MCPH1: variants seen among roughly 807,000 people sequenced by gnomAD.
MCPH1 encodes microcephalin.
A neutral mutation model predicts 84.5 loss-of-function variants in MCPH1; 104 were observed. The ratio of observed to expected loss-of-function variants is 1.23; its 90% CI spans 1.05 to 1.45. The LOEUF (loss-of-function observed/expected upper bound fraction) is 1.45, where lower values mean the gene tolerates loss of function less well. MCPH1 is among the 40% of genes most tolerant of loss of function. MCPH1 has a pLI of 0.00. For synonymous variants in MCPH1, 514 were observed against 366.8 expected, an observed-to-expected ratio of 1.40 and a Z score of -4.58; for missense variants, 1,498 against 1,005.7, an observed-to-expected ratio of 1.49 and a Z score of -6.62.
chr8:6,508,915 C>T (rs778332069), intron 12 of MCPH1: 10 of 1,614,042 alleles, frequency 6.2e-6, no homozygotes, highest in Non-Finnish European at 8.5e-6. Flanking sequence ...AATAGGAAGA[C>T]AGAAAGTCAT....
intron 12 of MCPH1, among the ~76,000 whole-genome samples, chr8:6,606,607 T>C (rs982020292): frequency 3.3e-5 from 5 of 152,144 alleles, no homozygotes; most frequent in African/African-American, 9.7e-5. Context: ...CTGTGCTGAA[T>C]GGAGATATTC....
At chr8:6,603,182 C>G (rs192492861) in intron 12 of MCPH1, among the ~76,000 whole-genome samples, 32 of 152,228 alleles carry the variant, frequency 2.1e-4, no homozygotes, top group Non-Finnish European at 4.3e-4. Context: ...TAGTATCCAT[C>G]CATGTCTCTG....
At chr8:6,409,762 AGAT>A (rs1798277278) in intron 2 of MCPH1, among the ~76,000 whole-genome samples, 1 of 152,176 alleles carries the variant, frequency 6.6e-6, no homozygotes, top group African/African-American at 2.4e-5. Context: ...TCAAGGCTAG[AGAT>A]GATGATCTAG....
chr8:6,533,996 C>T (rs1040485204), intron 12 of MCPH1, among the ~76,000 whole-genome samples: 8 of 152,042 alleles, frequency 5.3e-5, no homozygotes, highest in African/African-American at 1.9e-4. Context: ...TTCCTGTTTC[C>T]GATGCCCCCT....
chr8:6,514,907 G>GA, intron 12 of MCPH1: 1 of 684,352 alleles, frequency 1.5e-6, no homozygotes, highest in South Asian at 1.9e-5. Flanking sequence ...ATAAGGCACG[G>GA]AGTAGACCAT....
At chr8:6,587,874 G>A (rs1828121165) in intron 12 of MCPH1, among the ~76,000 whole-genome samples, 1 of 152,232 alleles carries the variant, frequency 6.6e-6, no homozygotes. Context: ...TATTGGTGAT[G>A]CAGTTTATTT....
intron 3 of MCPH1, among the ~76,000 whole-genome samples, chr8:6,417,313 T>G (rs909015682): frequency 6.6e-6 from 1 of 152,232 alleles, no homozygotes; most frequent in Non-Finnish European, 1.5e-5. Flanking sequence ...GCGGGCCATA[T>G]GGTCTCTGCT....
intron 12 of MCPH1, among the ~76,000 whole-genome samples, chr8:6,559,697 C>T (rs1045007766): frequency 6.6e-6 from 1 of 152,158 alleles, no homozygotes; most frequent in Non-Finnish European, 1.5e-5. Context: ...CCTGTGGTCT[C>T]CTAGCAAAAT....
chr8:6,480,963 C>T, intron 11 of MCPH1, 87 bp downstream of exon 11: 12 of 1,439,152 alleles, frequency 8.3e-6, no homozygotes, highest in Admixed American at 1.7e-5. Flanking sequence ...AGCACTCAGG[C>T]CGGCGTGCAC....
intron 7 of MCPH1, among the ~76,000 whole-genome samples, chr8:6,443,869 A>G (rs1803869418): frequency 1.3e-5 from 2 of 152,240 alleles, no homozygotes; most frequent in Non-Finnish European, 2.9e-5. Context: ...CTCTCAGGAA[A>G]TGAGTAATCC....
chr8:6,407,615 T>G (rs1205462174), intron 1 of MCPH1, among the ~76,000 whole-genome samples: 1 of 152,234 alleles, frequency 6.6e-6, no homozygotes, highest in Admixed American at 6.5e-5. Context: ...AAGTAAAGAC[T>G]AGAGGCTTTA....
chr8:6,621,799 G>C (rs1831454677), intron 13 of MCPH1, 108 bp downstream of exon 13: 1 of 1,456,490 alleles, frequency 6.9e-7, no homozygotes, highest in Non-Finnish European at 9.6e-7. Context: ...TGGGGCACCT[G>C]GGTTGATGTC....
intron 13 of MCPH1, among the ~76,000 whole-genome samples, chr8:6,627,534 A>G (rs1463318746): frequency 6.6e-6 from 1 of 152,230 alleles, no homozygotes; most frequent in African/African-American, 2.4e-5. Flanking sequence ...CAGCATATAA[A>G]TGAATGAGAA....
At chr8:6,566,657 G>A (rs943242537) in intron 12 of MCPH1, among the ~76,000 whole-genome samples, 8 of 151,920 alleles carry the variant, frequency 5.3e-5, no homozygotes, top group Admixed American at 3.3e-4. Context: ...CATGTGGTGC[G>A]GTGACCCTGT....
At chr8:6,411,790 T>G (rs1798570746) in intron 2 of MCPH1, among the ~76,000 whole-genome samples, 1 of 152,214 alleles carries the variant, frequency 6.6e-6, no homozygotes, top group Non-Finnish European at 1.5e-5. Flanking sequence ...TGTTCAGTAC[T>G]AGCTCAGGAT....
intron 12 of MCPH1, chr8:6,521,500 T>G: frequency 1.0e-6 from 1 of 958,976 alleles, no homozygotes; most frequent in Middle Eastern, 3.3e-4. Flanking sequence ...AGGTACTCTG[T>G]TAAGATATTG....
chr8:6,434,811 A>C (rs1802405332), intron 4 of MCPH1, among the ~76,000 whole-genome samples: 1 of 152,136 alleles, frequency 6.6e-6, no homozygotes, highest in African/African-American at 2.4e-5. Context: ...CGCGCTGAAA[A>C]CGAAGGAACC....
chr8:6,555,908 C>A (rs146298847), intron 12 of MCPH1, among the ~76,000 whole-genome samples: 1 of 152,168 alleles, frequency 6.6e-6, no homozygotes, highest in Non-Finnish European at 1.5e-5. Flanking sequence ...GTTTTCCTAG[C>A]AGCTTCAGCA....
chr8:6,594,406 C>T (rs1828761708), intron 12 of MCPH1, among the ~76,000 whole-genome samples: 1 of 152,210 alleles, frequency 6.6e-6, no homozygotes, highest in South Asian at 2.1e-4. Context: ...ACACAGAGGG[C>T]TTCCACTCCC....
Sources: gnomAD v4.1 joint callset for allele counts (sites outside exome capture counted in the v4.1 genomes callset) on GRCh38, gnomAD v4.1.1 for gene constraint, MANE v1.5 for transcripts, NCBI Gene and HGNC (gene_info 2026-07-23, HGNC 2026-07-21) for gene names.